Variants in ARHGEF38 observed in about 807,000 individuals in gnomAD.
The protein encoded by ARHGEF38 is Rho guanine nucleotide exchange factor (GEF) 38.
In ARHGEF38, 79 loss-of-function variants were observed where a neutral mutation model predicts 79.9. The ratio of observed to expected loss-of-function variants is 0.99; its 90% CI spans 0.82 to 1.19. ARHGEF38 has a LOEUF of 1.19. ARHGEF38 is among the 50% of genes most tolerant of loss of function. ARHGEF38 has a pLI of 0.00. For synonymous variants in ARHGEF38, 366 were observed against 328.3 expected (o/e 1.11, Z -1.24); for missense variants, 962 against 907.2 (o/e 1.06, Z -0.78).
At chr4:105,595,633 G>C (rs541473398) in intron 2 of ARHGEF38, among the ~76,000 whole-genome samples, 2 of 151,954 alleles carry the variant, frequency 1.3e-5, no homozygotes, top group East Asian at 3.9e-4. Context: ...CTGGCTCCAG[G>C]ATCCACCAAG....
rs1000440779 is a variant in ARHGEF38 at position 105,589,340 on chromosome 4, A to G, written c.289A>G (p.Lys97Glu). The change falls in exon 2 of 14, where the codon AAG (lysine) becomes GAG (glutamate). Residue 97 changes from lysine to glutamate, a missense_variant. Physicochemically the swap from Lys to Glu is moderately conservative, Grantham distance 56. Coordinates refer to ENST00000420470, the MANE Select transcript of ARHGEF38 (RefSeq NM_001242729.2). ...GAAGAGGATGATGGCAAAGCGGGAA[A>G]AGATCATTAAGGAGCTGATACAGAC... ...HMKRMMAKRE[K>E]IIKELIQTEK... 2 of 1,614,164 alleles carry G rather than the reference A, an allele frequency of 1.2e-6. No individual in the cohort carries two copies. The highest frequency in any genetic ancestry group is 1.7e-4 in the Middle Eastern group (1 of 6,060).
In ARHGEF38 at chr4:105,582,896, C is replaced by T. The variant is rs554794579; in HGVS notation, c.197-6352C>T. Reference sequence around the variant, plus strand: ...TGGGACACTTTATCACTATATAGTGCCCACTTTTATTTTTGCCTTAAAGTC... The same window carrying T: ...TGGGACACTTTATCACTATATAGTGTCCACTTTTATTTTTGCCTTAAAGTC... On this transcript the variant is annotated intron_variant, in intron 1 of 13. Transcript: ENST00000420470. Among the ~76,000 whole-genome samples the T allele has an allele frequency of 2.0e-3, 308 of 152,224 alleles. 3 individuals are homozygous for T. The highest frequency in any genetic ancestry group is 7.1e-3 in the African/African-American group (296 of 41,548).
chr4:105,639,419 G>A (rs1291919762), intron 5 of ARHGEF38, among the ~76,000 whole-genome samples: 2 of 151,528 alleles, frequency 1.3e-5, no homozygotes, highest in African/African-American at 2.4e-5. Context: ...TTTTTCTACT[G>A]TGCCTTTCAG....
chr4:105,658,390 A>T lies in ARHGEF38; in HGVS notation c.1234-664A>T, dbSNP rs140937416. ...ACTCCAGCCTGGGCGACAGAGTGAG[A>T]CCCTGTCTCAAAATTAATTAATTAA... is the stretch of plus-strand genomic sequence containing the variant. On this transcript the variant is annotated intron_variant, in intron 9 of 13. Transcript: ENST00000420470. Among the ~76,000 whole-genome samples, 937 of 152,182 alleles carry T rather than the reference A, an allele frequency of 6.2e-3. 8 individuals are homozygous for T. The highest frequency in any genetic ancestry group is 0.021 in the African/African-American group (890 of 41,504).
intron 13 of ARHGEF38, among the ~76,000 whole-genome samples, chr4:105,675,429 CTTT>C (rs1230666067): frequency 3.9e-5 from 6 of 152,012 alleles, no homozygotes. Flanking sequence ...TAATTTTCTT[CTTT>C]ACTTAAAAAA....
At chr4:105,606,439 T>C (rs1728044712) in intron 2 of ARHGEF38, among the ~76,000 whole-genome samples, 1 of 152,100 alleles carries the variant, frequency 6.6e-6, no homozygotes, top group Non-Finnish European at 1.5e-5. Context: ...AAAAATATAG[T>C]TCCAAATTGA....
chr4:105,652,007 T>C (rs986745630), intron 7 of ARHGEF38, among the ~76,000 whole-genome samples: 1 of 152,214 alleles, frequency 6.6e-6, no homozygotes, highest in Non-Finnish European at 1.5e-5. Context: ...GACTCAGACA[T>C]GAAAACAAGG....
intron 10 of ARHGEF38, among the ~76,000 whole-genome samples, chr4:105,663,373 GTGT>G (rs1157122703): frequency 6.6e-6 from 1 of 152,086 alleles, no homozygotes; most frequent in African/African-American, 2.4e-5. Context: ...CATTTCAGTA[GTGT>G]TAAGTATACT....
At chr4:105,639,245 T>C (rs1729522420) in intron 5 of ARHGEF38, among the ~76,000 whole-genome samples, 1 of 152,060 alleles carries the variant, frequency 6.6e-6, no homozygotes, top group African/African-American at 2.4e-5. Flanking sequence ...TTTTTTCTAA[T>C]ACGTTTGTAA....
chr4:105,556,139 AATTAATTTTTCT>A (rs1186751752), intron 1 of ARHGEF38, among the ~76,000 whole-genome samples: 1 of 152,174 alleles, frequency 6.6e-6, no homozygotes, highest in Non-Finnish European at 1.5e-5. Flanking sequence ...TGTTCTTTGA[AATTAATTTTTCT>A]CAAGGCCCTT....
In ARHGEF38 at chr4:105,667,331, A is replaced by T; in HGVS notation, c.1888+4A>T. On this transcript the variant is annotated splice_donor_region_variant and intron_variant, in intron 12 of 13. Transcript: ENST00000420470. ...AGGTGGCTTGTGGACACAGGAAGTA[A>T]GTTTTTCCCCAGAACTACCACTCTT... is the stretch of plus-strand genomic sequence containing the variant. 1.3e-6 allele frequency: 2 copies of T among 1,535,590 alleles called. No individual in the cohort carries two copies. Among genetic ancestry groups the T allele is most frequent in the Non-Finnish European group, 1.7e-6 (2 of 1,146,542 alleles).
At chr4:105,626,242 T>C (rs993694161) in intron 3 of ARHGEF38, among the ~76,000 whole-genome samples, 5 of 152,214 alleles carry the variant, frequency 3.3e-5, no homozygotes, top group Non-Finnish European at 7.3e-5. Context: ...TACACCCACA[T>C]GGTCACTTAA....
At chr4:105,595,595 A>G (rs891375254) in intron 2 of ARHGEF38, among the ~76,000 whole-genome samples, 2 of 152,312 alleles carry the variant, frequency 1.3e-5, no homozygotes, top group African/African-American at 2.4e-5. Flanking sequence ...TATACCATAC[A>G]CAGTTGTCCC....
At chr4:105,582,285 C>A (rs567870148) in intron 1 of ARHGEF38, among the ~76,000 whole-genome samples, 9 of 146,852 alleles carry the variant, frequency 6.1e-5, no homozygotes, top group African/African-American at 1.8e-4. Flanking sequence ...ATTCTATTTT[C>A]TTTTGGCTTA....
At position 105,679,354 on chromosome 4, in the gene ARHGEF38, T is replaced by A; in HGVS notation, c.*1417T>A. 9.1e-7 allele frequency: 1 copy of A among 1,101,786 alleles called. No individual in the cohort carries two copies. The highest frequency in any genetic ancestry group is 1.4e-6 in the Non-Finnish European group (1 of 721,086). 68.3% of individuals were successfully genotyped at this position (1,101,786 alleles called of 1,614,324 possible). ...GGAATATCAAAGCAAACACCCATAT[T>A]TCCTTTCAGGAGGCACACTCTGGTA... On this transcript the variant is annotated 3_prime_UTR_variant, in exon 14 of 14. Transcript: ENST00000420470.
Position 105,552,702 on chromosome 4 carries a change from C to T in ARHGEF38, c.-64C>T. 1.2e-5 allele frequency: 17 copies of T among 1,383,970 alleles called. No individual in the cohort carries two copies. Among genetic ancestry groups the T allele is most frequent in the Non-Finnish European group, 1.7e-5 (17 of 1,008,380 alleles). 85.7% of individuals were successfully genotyped at this position (1,383,970 alleles called of 1,614,324 possible). On this transcript the variant is annotated 5_prime_UTR_variant, in exon 1 of 14. Transcript: ENST00000420470. ...TCGTCACTCTAGTAGCTTTAACCCT[C>T]ACCCTGAGGCACCTTAGCAATCAGC...
At chr4:105,641,583 A>T (rs1729618290) in intron 5 of ARHGEF38, among the ~76,000 whole-genome samples, 1 of 152,144 alleles carries the variant, frequency 6.6e-6, no homozygotes. Context: ...ACTGTAAAAT[A>T]AATATTAAAT....
chr4:105,597,741 A>C (rs1727644911), intron 2 of ARHGEF38, among the ~76,000 whole-genome samples: 2 of 152,196 alleles, frequency 1.3e-5, no homozygotes, highest in Admixed American at 1.3e-4. Flanking sequence ...TCCAATGCAC[A>C]CATTCTATTG....
At chr4:105,633,840 A>C (rs1560735693) in intron 4 of ARHGEF38, among the ~76,000 whole-genome samples, 1 of 152,192 alleles carries the variant, frequency 6.6e-6, no homozygotes, top group Non-Finnish European at 1.5e-5. Flanking sequence ...ATAACAATAC[A>C]AGAATTAATT....
Sources: gnomAD v4.1 joint callset for allele counts (sites outside exome capture counted in the v4.1 genomes callset) on GRCh38, gnomAD v4.1.1 for gene constraint, MANE v1.5 for transcripts, NCBI Gene and HGNC (gene_info 2026-07-23, HGNC 2026-07-21) for gene names.